MAST3: variants seen among roughly 807,000 people sequenced by gnomAD.
MAST3 encodes microtubule-associated serine/threonine-protein kinase 3.
Under a neutral mutation model 127.0 loss-of-function variants are expected in MAST3, and 43 were observed. That is an observed-to-expected ratio of 0.34 (90% CI 0.27 to 0.44). The LOEUF (loss-of-function observed/expected upper bound fraction) is 0.44, where lower values mean the gene tolerates loss of function less well. Among genes scored for constraint, MAST3 ranks in the 20% least tolerant of loss-of-function variants. MAST3 has a pLI of 1.00. For synonymous variants in MAST3, 785 were observed against 809.2 expected, an observed-to-expected ratio of 0.97 and a Z score of 0.51; for missense variants, 1,390 against 1,919.1, an observed-to-expected ratio of 0.72 and a Z score of 5.15.
intron 1 of MAST3, among the ~76,000 whole-genome samples, chr19:18,100,910 A>G (rs1473124305): frequency 6.6e-6 from 1 of 152,180 alleles, no homozygotes; most frequent in African/African-American, 2.4e-5. Flanking sequence ...CGCATAGCCC[A>G]GGGCGTCCTC....
Position 18,145,477 on chromosome 19 carries a change from A to G in MAST3, c.3039+248A>G, listed in dbSNP as rs1000005947. 2.0e-5 allele frequency among the ~76,000 whole-genome samples: 3 copies of G among 152,144 alleles called. No homozygotes were observed. Among genetic ancestry groups the G allele is most frequent in the Admixed American group, 6.5e-5 (1 of 15,276 alleles). ...AGCTCCATATGGGGACGCACTGGGCATGTTATCCTCCCTCTCCCAGCCCAA... is the reference window on the plus strand; with the variant it reads ...AGCTCCATATGGGGACGCACTGGGCGTGTTATCCTCCCTCTCCCAGCCCAA... On this transcript the variant is annotated intron_variant, in intron 24 of 27. Coordinates refer to ENST00000687212, the MANE Select transcript of MAST3 (RefSeq NM_001393504.1). The surrounding 1 kb of genome is among the most constrained non-coding windows in gnomAD (Gnocchi z 5.9).
chr19:18,113,483 G>A (rs576393676), intron 3 of MAST3, among the ~76,000 whole-genome samples: 7 of 151,968 alleles, frequency 4.6e-5, no homozygotes, highest in East Asian at 1.9e-4. Context: ...TGTTTGAGAC[G>A]GAGTTTTCCT....
At chr19:18,141,404 G>A (rs901402156) in intron 20 of MAST3, among the ~76,000 whole-genome samples, 37 of 64,710 alleles carry the variant, frequency 5.7e-4, no homozygotes, top group East Asian at 5.0e-4. Context: ...ACAGAGTCTC[G>A]CTCTGTCTCC....
chr19:18,145,319 G>A lies in MAST3; in HGVS notation c.3039+90G>A. On this transcript the variant is annotated intron_variant, in intron 24 of 27. Transcript: ENST00000687212. This position sits in a 1 kb window ranked among gnomAD's most constrained non-coding sequence, Gnocchi z 5.9. ...TCTCAGAGCTGCATTTTGGAGCCTG[G>A]CAGGGTTAGGTAGATAGAGCTGGTG... 7.8e-7 allele frequency: 1 copy of A among 1,285,244 alleles called. No individual in the cohort carries two copies. The allele number at this position is 1,285,244 out of a possible 1,614,324, so 79.6% of individuals were successfully genotyped here. A position where few individuals can be genotyped will look rare whatever the true frequency, so the allele number is the denominator to read the frequency against.
intron 3 of MAST3, among the ~76,000 whole-genome samples, chr19:18,113,140 A>G (rs273511): frequency 0.062 from 9,450 of 152,110 alleles, 980 homozygotes; most frequent in African/African-American, 0.22. Flanking sequence ...GAGAAAGGCC[A>G]TAAGGCTGCC....
chr19:18,128,728 T>A, intron 12 of MAST3, 138 bp from the exon 13 acceptor site: 1 of 713,274 alleles, frequency 1.4e-6, no homozygotes, highest in Non-Finnish European at 2.4e-6. Flanking sequence ...GTACAGAAAG[T>A]CAGAAGCTGA....
intron 1 of MAST3, among the ~76,000 whole-genome samples, chr19:18,101,234 G>C (rs956291153): frequency 6.6e-6 from 1 of 152,220 alleles, no homozygotes; most frequent in Non-Finnish European, 1.5e-5. Flanking sequence ...AGAAGGGCTA[G>C]AGCCTGTATC....
At chr19:18,103,805 C>T (rs774758239) in intron 1 of MAST3, among the ~76,000 whole-genome samples, 1 of 152,084 alleles carries the variant, frequency 6.6e-6, no homozygotes, top group Non-Finnish European at 1.5e-5. Flanking sequence ...GACTGGGAAC[C>T]TAGGACTGTC....
chr19:18,099,429 TAA>T (rs929949781), intron 1 of MAST3, among the ~76,000 whole-genome samples: 2 of 148,992 alleles, frequency 1.3e-5, no homozygotes, highest in Admixed American at 1.3e-4. Flanking sequence ...CGCAGCCTCT[TAA>T]AATAGAGAAA....
Position 18,110,591 on chromosome 19 carries a change from G to A in MAST3, c.72-61G>A, listed in dbSNP as rs919305826. The A allele has an allele frequency of 2.2e-6, 2 of 908,570 alleles. No individual in the cohort carries two copies. Among genetic ancestry groups the A allele is most frequent in the African/African-American group, 1.8e-5 (1 of 55,578 alleles). The allele number at this position is 908,570 out of a possible 1,614,324, so 56.3% of individuals were successfully genotyped here. A position where few individuals can be genotyped will look rare whatever the true frequency, so the allele number is the denominator to read the frequency against. ...AACCGCAGCCGCCATCCGGAGATCC[G>A]GATTCGGCCACACGAAGGGGCGGCC... is the stretch of plus-strand genomic sequence containing the variant. On this transcript the variant is annotated intron_variant, in intron 2 of 27. Transcript: ENST00000687212. The surrounding 1 kb of genome is among the most constrained non-coding windows in gnomAD (Gnocchi z 4.3).
At position 18,110,822 on chromosome 19, in the gene MAST3, C is replaced by A; in HGVS notation, c.161+81C>A. The A allele has an allele frequency of 2.9e-6, 2 of 699,386 alleles. No homozygotes were observed. The highest frequency in any genetic ancestry group is 1.8e-6 in the Non-Finnish European group (1 of 568,574). 43.3% of individuals were successfully genotyped at this position (699,386 alleles called of 1,614,324 possible). On this transcript the variant is annotated intron_variant, in intron 3 of 27. Coordinates refer to ENST00000687212, the MANE Select transcript of MAST3 (RefSeq NM_001393504.1). This position sits in a 1 kb window ranked among gnomAD's most constrained non-coding sequence, Gnocchi z 4.3. ...TTGGAAACCCTCCAGACTCATCGGT[C>A]TCCTCAAGATACTGCAGGTTGGTGA...
In MAST3 at chr19:18,121,768, C is replaced by T; in HGVS notation, c.245C>T (p.Pro82Leu). The stretch of plus-strand genomic sequence containing the variant: ...CGGCCCCTGTCGCCATTGTCGGTCC[C>T]AACGGGTGAGTGTGGGAGCAGCCAG... ...LSRPLSPLSV[P>L]TGSSPLDSPR... The change falls in exon 4 of 28, where the codon CCA (proline) becomes CTA (leucine). Residue 82 changes from proline (P) to leucine (L), a missense_variant. Pro to Leu is a moderately conservative substitution (Grantham distance 98). This residue lies in a region of MAST3 where 45 missense variants were observed against 113.0 expected (regional missense o/e 0.40). Coordinates refer to ENST00000687212, the MANE Select transcript of MAST3 (RefSeq NM_001393504.1). 6.2e-7 allele frequency: 1 copy of T among 1,614,044 alleles called. No homozygotes were observed. Among genetic ancestry groups the T allele is most frequent in the Non-Finnish European group, 8.5e-7 (1 of 1,179,902 alleles).
chr19:18,119,945 C>T (rs1005173000), intron 3 of MAST3, among the ~76,000 whole-genome samples: 9 of 152,186 alleles, frequency 5.9e-5, no homozygotes, highest in African/African-American at 2.2e-4. Flanking sequence ...GCTGCGTTGG[C>T]GGCTTGGGGT....
At chr19:18,105,490 G>C (rs1467053177) in intron 1 of MAST3, among the ~76,000 whole-genome samples, 1 of 151,226 alleles carries the variant, frequency 6.6e-6, no homozygotes, top group East Asian at 1.9e-4. Context: ...TCTGAGGTCA[G>C]GAGTTCAAGA....
intron 15 of MAST3, among the ~76,000 whole-genome samples, chr19:18,133,419 G>A (rs2384858): frequency 2.6e-5 from 4 of 151,820 alleles, no homozygotes; most frequent in Admixed American, 2.6e-4. Flanking sequence ...AGTCTTTGTC[G>A]CCCGGGCTGG....
intron 11 of MAST3, among the ~76,000 whole-genome samples, chr19:18,126,016 G>A (rs980502420): frequency 2.0e-5 from 3 of 151,912 alleles, no homozygotes; most frequent in South Asian, 2.1e-4. Flanking sequence ...CCGAGATCAC[G>A]CCACTGTGCT....
Position 18,098,019 on chromosome 19 carries a change from A to G in MAST3, c.39+188A>G, listed in dbSNP as rs572249028. ...GCTTTTTCTCATGGTGGGAAGGGGG[A>G]AGGTGCCCCCTTGGACATCTAGGGA... On this transcript the variant is annotated intron_variant, in intron 1 of 27. Transcript: ENST00000687212. Among the ~76,000 whole-genome samples, 265 of 151,938 alleles carry G rather than the reference A, an allele frequency of 1.7e-3. 1 individual carries two copies. The highest frequency in any genetic ancestry group is 5.8e-3 in the African/African-American group (242 of 41,456).
chr19:18,102,895 G>A (rs1445190410), intron 1 of MAST3, among the ~76,000 whole-genome samples: 2 of 152,314 alleles, frequency 1.3e-5, no homozygotes, highest in South Asian at 4.1e-4. Context: ...CAGTATGGGG[G>A]TGCTCCTGCT....
In MAST3 at chr19:18,134,997, C is replaced by T. The variant is rs12983325; in HGVS notation, c.1870+15C>T. 0.53 allele frequency: 838,637 copies of T among 1,584,778 alleles called. 225,199 individuals are homozygous for T. Among genetic ancestry groups the T allele is most frequent in the East Asian group, 0.7 (30,933 of 44,422 alleles). ...GGTGGTCAGCGGTGCGTTTCCTCCA[C>T]GGGCCTGGGTTTGAGCTGCAGCCCC... is the stretch of plus-strand genomic sequence containing the variant. On this transcript the variant is annotated intron_variant, in intron 17 of 27. Coordinates refer to ENST00000687212, the MANE Select transcript of MAST3 (RefSeq NM_001393504.1).
Sources: gnomAD v4.1 joint callset for allele counts (sites outside exome capture counted in the v4.1 genomes callset) on GRCh38, gnomAD v4.1.1 for gene constraint, gnomAD v4.1.1 regional missense constraint, Gnocchi (gnomAD v3.1) non-coding constraint, MANE v1.5 for transcripts, NCBI Gene and HGNC (gene_info 2026-07-23, HGNC 2026-07-21) for gene names.